GATM: variants seen among roughly 807,000 people sequenced by gnomAD.
GATM encodes glycine amidinotransferase.
In GATM, 23 loss-of-function variants were observed where a neutral mutation model predicts 54.2. That is an observed-to-expected ratio of 0.42 (90% CI 0.31 to 0.60). The LOEUF is 0.60. GATM is among the 20% of genes least tolerant of loss of function. GATM has a pLI of 0.14. For missense variants in GATM, 401 were observed against 544.9 expected (o/e 0.74, Z 2.63); for synonymous variants, 168 against 183.1 (o/e 0.92, Z 0.67).
chr15:45,382,785 C>T (rs1889757518), upstream of GATM, among the ~76,000 whole-genome samples: 1 of 152,028 alleles, frequency 6.6e-6, no homozygotes, highest in Admixed American at 6.6e-5. Context: ...AGGAGAGAAA[C>T]TCTGTCTCAA....
rs768644583 is a variant in GATM, at chr15:45,366,355, G to A, written c.813+16C>T. The A allele has an allele frequency of 1.2e-6, 2 of 1,613,938 alleles. No individual in the cohort carries two copies. The highest frequency in any genetic ancestry group is 2.2e-5 in the South Asian group (2 of 91,080). ...CAATAATATAGTGTGAAATTTCAGA[G>A]GCAGCCTGCGTTCACCTGGCTTCTC... On this transcript the variant is annotated intron_variant, in intron 5 of 8. Coordinates refer to ENST00000396659, the MANE Select transcript of GATM (RefSeq NM_001482.3).
At chr15:45,390,937 T>C (rs1467229577) in intron 3 of GATM, among the ~76,000 whole-genome samples, 2 of 152,158 alleles carry the variant, frequency 1.3e-5, no homozygotes, top group Non-Finnish European at 2.9e-5. Context: ...GATGTGGAGA[T>C]CAGAATTGAC....
intron 7 of GATM, 175 bp downstream of exon 7, chr15:45,364,622 T>C: frequency 1.6e-6 from 1 of 616,210 alleles, no homozygotes; most frequent in Non-Finnish European, 2.9e-6. Flanking sequence ...ATGAAAAAGT[T>C]GCAAACACAA....
chr15:45,362,019 G>T lies in GATM; in HGVS notation c.*90C>A. The T allele has an allele frequency of 1.3e-6, 1 of 798,084 alleles. No individual in the cohort carries two copies. Among genetic ancestry groups the T allele is most frequent in the Non-Finnish European group, 2.2e-6 (1 of 449,798 alleles). 49.4% of individuals were successfully genotyped at this position (798,084 alleles called of 1,614,324 possible). On this transcript the variant is annotated 3_prime_UTR_variant, in exon 9 of 9. Transcript: ENST00000396659. Reference sequence around the variant, plus strand: ...GGAGATGATTGTTTAAAGCACTACAGTTCATGCACTTTTTAAAGCAGGAGA... The same window carrying T: ...GGAGATGATTGTTTAAAGCACTACATTTCATGCACTTTTTAAAGCAGGAGA...
intron 8 of GATM, among the ~76,000 whole-genome samples, chr15:45,362,601 T>A (rs1441129966): frequency 2.0e-5 from 3 of 152,194 alleles, no homozygotes; most frequent in Non-Finnish European, 4.4e-5. Context: ...AAAGCAAAAT[T>A]TAGCTGACCT....
rs202078942 is a variant in GATM at position 45,398,977 on chromosome 15, TAC to T, written c.-480+567_-480+568del. Among the ~76,000 whole-genome samples, 8 of 152,206 alleles carry T rather than the reference TAC, an allele frequency of 5.3e-5. No individual in the cohort carries two copies. In the East Asian group the frequency reaches 1.2e-3, roughly 22 times the overall value. On this transcript the variant is annotated intron_variant, in intron 2 of 4. Transcript: ENST00000561148. ...AATTATTTCTTTTGAATTATAGACTTACAGTTAATTAAGAATTTTTATAGTTA... is the reference window on the plus strand; with the variant it reads ...AATTATTTCTTTTGAATTATAGACTTAGTTAATTAAGAATTTTTATAGTTA...
chr15:45,366,967 A>C (rs1292282217), intron 4 of GATM, among the ~76,000 whole-genome samples: 2 of 152,332 alleles, frequency 1.3e-5, no homozygotes, highest in East Asian at 1.9e-4. Context: ...AAAAAACAAA[A>C]TATATAGAGT....
Position 45,366,484 on chromosome 15 carries a change from CTT to C in GATM, c.698_699del (p.Glu233GlyfsTer15). 1.9e-6 allele frequency: 3 copies of C among 1,614,086 alleles called. No individual in the cohort carries two copies. Among genetic ancestry groups the C allele is most frequent in the Non-Finnish European group, 2.5e-6 (3 of 1,179,972 alleles). On this transcript the variant is annotated frameshift_variant, in exon 5 of 9. Transcript: ENST00000396659. LOFTEE classifies it high-confidence loss of function. ...CCCTGAGCAGCCAATTTGTGTCTGT[CTT>C]CTACAGAGTGGATGGGATAATCCTA... Reference protein sequence around the residue: ...YNQDYPIHSVEDRHKLAAQGK... With the variant: ...YNQDYPIHSVXDRHKLAAQGK...
intron 1 of GATM, 126 bp downstream of exon 1, chr15:45,378,259 T>C: frequency 1.4e-6 from 1 of 699,430 alleles, no homozygotes. Context: ...GACACTCTCG[T>C]GCAATTCCGG....
At position 45,364,033 on chromosome 15, in the gene GATM, C is replaced by G; in HGVS notation, c.1043-17G>C. On this transcript the variant is annotated splice_polypyrimidine_tract_variant and intron_variant, in intron 7 of 8. Coordinates refer to ENST00000396659, the MANE Select transcript of GATM (RefSeq NM_001482.3). ...GTGGATGATCTAAAAACAGCAACAA[C>G]TGTTAAACCATGTCCGCTATCATTT... 7.2e-7 allele frequency: 1 copy of G among 1,381,672 alleles called. No individual in the cohort carries two copies. The allele number at this position is 1,381,672 out of a possible 1,614,324, so 85.6% of individuals were successfully genotyped here.
At chr15:45,364,252 G>A in intron 7 of GATM, 2 of 514,052 alleles carry the variant, frequency 3.9e-6, no homozygotes, top group South Asian at 2.1e-5. Context: ...GGCTGGGCAT[G>A]GTATAATCCT....
In GATM at chr15:45,364,009, T is replaced by C. The variant is rs1414076993; in HGVS notation, c.1050A>G (p.Pro350=). Residue 350 remains proline, a synonymous_variant, in exon 8 of 9, where the codon CCA becomes CCG. Coordinates refer to ENST00000396659, the MANE Select transcript of GATM (RefSeq NM_001482.3). Reference sequence around the variant, plus strand: ...AAAGCCATTTGGATGACATCCAGAGTGGATGATCTAAAAACAGCAACAACT... The same window carrying C: ...AAAGCCATTTGGATGACATCCAGAGCGGATGATCTAAAAACAGCAACAACT... ...PPTPIIPDDH[P]LWMSSKWLSM... 6.3e-7 allele frequency: 1 copy of C among 1,590,588 alleles called. No individual in the cohort carries two copies. The highest frequency in any genetic ancestry group is 1.7e-5 in the Admixed American group (1 of 59,990).
rs1889368009 is a variant in GATM at position 45,361,746 on chromosome 15, A to T, written c.*363T>A. On this transcript the variant is annotated 3_prime_UTR_variant, in exon 9 of 9. Coordinates refer to ENST00000396659, the MANE Select transcript of GATM (RefSeq NM_001482.3). ...TCAAGTCTATAGAAGAGGAAAAAAA[A>T]TTAAGATTAGGACCAACATTTCAAG... is the stretch of plus-strand genomic sequence containing the variant. The T allele has an allele frequency of 4.2e-6, 2 of 480,294 alleles. No individual in the cohort carries two copies. Among genetic ancestry groups the T allele is most frequent in the African/African-American group, 2.0e-5 (1 of 50,590 alleles). 29.8% of individuals were successfully genotyped at this position (480,294 alleles called of 1,614,324 possible).
At chr15:45,377,594 C>T (rs1467392089) in intron 1 of GATM, 1 of 272,144 alleles carries the variant, frequency 3.7e-6, no homozygotes, top group African/African-American at 2.3e-5. Flanking sequence ...AACCTCAACC[C>T]CCCAAATCTC....
intron 3 of GATM, among the ~76,000 whole-genome samples, chr15:45,386,105 C>A (rs1472217955): frequency 2.0e-5 from 3 of 152,170 alleles, no homozygotes; most frequent in Non-Finnish European, 4.4e-5. Flanking sequence ...AGCTAAAAAG[C>A]CCACTAAGAG....
chr15:45,366,011 C>G (rs1381342087), intron 6 of GATM, 35 bp downstream of exon 6: 92 of 1,606,878 alleles, frequency 5.7e-5, no homozygotes, highest in Non-Finnish European at 7.3e-5. Flanking sequence ...TTACTAGATT[C>G]TGTTGCTTTT....
At chr15:45,367,340 CAAAA>C (rs199666485) in intron 4 of GATM, among the ~76,000 whole-genome samples, 5 of 138,824 alleles carry the variant, frequency 3.6e-5, no homozygotes, top group Admixed American at 7.1e-5. Flanking sequence ...GACTCCATCT[CAAAA>C]AAAAAAAAAA....
intron 2 of GATM, 65 bp downstream of exon 2, chr15:45,376,536 C>CA: frequency 5.8e-6 from 8 of 1,369,120 alleles, no homozygotes; most frequent in Non-Finnish European, 7.3e-6. Flanking sequence ...GGAAAGCAGT[C>CA]AGAGGGTAGC....
chr15:45,389,277 T>G (rs1202155403), intron 3 of GATM, among the ~76,000 whole-genome samples: 1 of 152,254 alleles, frequency 6.6e-6, no homozygotes, highest in East Asian at 1.9e-4. Context: ...TTAACCTTTT[T>G]ACAAAAATTG....
Sources: allele counts gnomAD v4.1 joint callset (sites outside exome capture counted in the v4.1 genomes callset), GRCh38; gene constraint gnomAD v4.1.1; transcripts MANE v1.5; gene names NCBI Gene and HGNC (gene_info 2026-07-23, HGNC 2026-07-21).